Variants in PRIM2 observed in about 807,000 individuals in gnomAD.
The protein encoded by PRIM2 is DNA primase subunit 2, also known as DNA primase large subunit.
A neutral mutation model predicts 67.3 loss-of-function variants in PRIM2; 39 were observed. The ratio of observed to expected loss-of-function variants is 0.58; its 90% CI spans 0.45 to 0.76. The LOEUF is 0.76. PRIM2 is among the 30% of genes least tolerant of loss of function. The probability of loss-of-function intolerance (pLI) is 0.00; values close to 1 mark genes in which losing one functional copy is unlikely to be tolerated. For synonymous variants in PRIM2, 143 were observed against 198.7 expected (o/e 0.72, Z 2.36); for missense variants, 398 against 598.7 (o/e 0.66, Z 3.50).
the PRIM2 span, among the ~76,000 whole-genome samples, chr6:57,280,667 G>T: frequency 6.6e-6 from 1 of 151,966 alleles, no homozygotes; most frequent in Non-Finnish European, 1.5e-5. Flanking sequence ...GTGCTACCAC[G>T]CCTGGCTAAT....
chr6:57,601,748 C>G (rs1308070565), intron 11 of PRIM2, among the ~76,000 whole-genome samples: 95 of 152,222 alleles, frequency 6.2e-4, no homozygotes, highest in African/African-American at 2.2e-3. Flanking sequence ...AAAAGAAAAA[C>G]AAAACATCTC....
chr6:57,522,614 G>A (rs1350641415), intron 8 of PRIM2, among the ~76,000 whole-genome samples: 1 of 151,894 alleles, frequency 6.6e-6, no homozygotes, highest in Non-Finnish European at 1.5e-5. Flanking sequence ...TTAGCTTCCT[G>A]AGTAGCTGGG....
At chr6:57,525,655 G>A (rs1774735057) in intron 8 of PRIM2, among the ~76,000 whole-genome samples, 1 of 152,200 alleles carries the variant, frequency 6.6e-6, no homozygotes. Context: ...TGTTTCTAAA[G>A]CATAACTCTC....
intron 9 of PRIM2, 148 bp downstream of exon 9, chr6:57,532,631 G>T: frequency 2.5e-6 from 1 of 407,278 alleles, no homozygotes; most frequent in Non-Finnish European, 4.3e-6. Flanking sequence ...CCACTTAGAT[G>T]ATTTTAAAAA....
At chr6:57,357,114 A>G (rs1386108291) in intron 5 of PRIM2, among the ~76,000 whole-genome samples, 1 of 151,900 alleles carries the variant, frequency 6.6e-6, no homozygotes, top group Non-Finnish European at 1.5e-5. Flanking sequence ...TTGTAGCTTT[A>G]GTAGAGACAG....
At chr6:57,633,695 TAGA>T (rs1777070899) in intron 13 of PRIM2, among the ~76,000 whole-genome samples, 1 of 151,982 alleles carries the variant, frequency 6.6e-6, no homozygotes, top group African/African-American at 2.4e-5. Context: ...GAGGGCACAT[TAGA>T]TAATCACGAG....
intron 7 of PRIM2, among the ~76,000 whole-genome samples, chr6:57,433,811 A>G (rs932857872): frequency 5.3e-5 from 8 of 152,232 alleles, no homozygotes; most frequent in East Asian, 1.9e-4. Flanking sequence ...AAGTCATTCA[A>G]ATTTCCTAAA....
the PRIM2 span, among the ~76,000 whole-genome samples, chr6:57,260,633 C>T: frequency 3.9e-5 from 6 of 152,082 alleles, no homozygotes; most frequent in Admixed American, 3.3e-4. Flanking sequence ...TTTAAGTTTA[C>T]ATGAACCTGA....
chr6:57,243,405 G>C, the PRIM2 span, among the ~76,000 whole-genome samples: 2 of 152,196 alleles, frequency 1.3e-5, no homozygotes, highest in Non-Finnish European at 1.5e-5. Context: ...AGATTAAGAG[G>C]GTATGTTAAT....
At chr6:57,500,907 C>T (rs1246968513) in intron 7 of PRIM2, among the ~76,000 whole-genome samples, 1 of 152,156 alleles carries the variant, frequency 6.6e-6, no homozygotes, top group Admixed American at 6.5e-5. Flanking sequence ...ATTCAGTCTC[C>T]AGAGCTTTAC....
upstream of PRIM2, among the ~76,000 whole-genome samples, chr6:57,313,524 G>A (rs916480866): frequency 3.3e-5 from 5 of 152,184 alleles, no homozygotes; most frequent in Non-Finnish European, 5.9e-5. Flanking sequence ...TGTGCTTTCT[G>A]TCAGTTCTCC....
intron 5 of PRIM2, among the ~76,000 whole-genome samples, chr6:57,371,716 T>C (rs1769563899): frequency 6.6e-6 from 1 of 152,260 alleles, no homozygotes; most frequent in Non-Finnish European, 1.5e-5. Context: ...TAAAAAGCAA[T>C]GAAAGAGCAT....
At chr6:57,572,744 C>G (rs1459379031) in intron 10 of PRIM2, among the ~76,000 whole-genome samples, 1 of 152,144 alleles carries the variant, frequency 6.6e-6, no homozygotes, top group Admixed American at 6.5e-5. Flanking sequence ...GAGACCAAAT[C>G]ACGTGATGGG....
intron 5 of PRIM2, among the ~76,000 whole-genome samples, chr6:57,326,524 C>T (rs569447897): frequency 5.5e-4 from 83 of 152,108 alleles, no homozygotes; most frequent in African/African-American, 1.9e-3. Context: ...AGTGCGAGAC[C>T]ATCTTGACCA....
the PRIM2 span, among the ~76,000 whole-genome samples, chr6:57,247,496 G>A: frequency 6.6e-6 from 1 of 152,156 alleles, no homozygotes; most frequent in Non-Finnish European, 1.5e-5. Flanking sequence ...CTTATTCAGA[G>A]CAAAATTATT....
chr6:57,628,847 C>G (rs1776998632), intron 12 of PRIM2, among the ~76,000 whole-genome samples: 1 of 152,084 alleles, frequency 6.6e-6, no homozygotes, highest in Non-Finnish European at 1.5e-5. Flanking sequence ...GCATAGTACT[C>G]CATGGTGCAT....
chr6:57,241,774 G>A, the PRIM2 span, among the ~76,000 whole-genome samples: 3 of 141,344 alleles, frequency 2.1e-5, no homozygotes, highest in South Asian at 2.2e-4. Flanking sequence ...CCGGGTTCAC[G>A]CCATTCTCCT....
rs1394976968 is a variant in PRIM2, at chr6:57,561,550, C to T, written c.1020+23925C>T. Among the ~76,000 whole-genome samples, 859 of 152,274 alleles carry T rather than the reference C, an allele frequency of 5.6e-3. 10 individuals carry two copies. The highest frequency in any genetic ancestry group is 0.022 in the South Asian group (105 of 4,816). ...GCCCAGCCAATTCGCTCAAACTTTTCTTCTATAGTTCCCTCACCTCTCTCA... is the reference window on the plus strand; with the variant it reads ...GCCCAGCCAATTCGCTCAAACTTTTTTTCTATAGTTCCCTCACCTCTCTCA... On this transcript the variant is annotated intron_variant, in intron 10 of 13. Coordinates refer to ENST00000615550, the MANE Select transcript of PRIM2 (RefSeq NM_000947.5).
At chr6:57,440,847 T>G (rs1028985608) in intron 7 of PRIM2, among the ~76,000 whole-genome samples, 9 of 152,218 alleles carry the variant, frequency 5.9e-5, no homozygotes, top group Admixed American at 3.9e-4. Flanking sequence ...CAGACAAATC[T>G]TGAAGTAAGA....
Sources: gnomAD v4.1 joint callset for allele counts (sites outside exome capture counted in the v4.1 genomes callset) on GRCh38, gnomAD v4.1.1 for gene constraint, MANE v1.5 for transcripts, NCBI Gene and HGNC (gene_info 2026-07-23, HGNC 2026-07-21) for gene names.